SUGCT: variants seen among roughly 807,000 people sequenced by gnomAD.
SUGCT encodes succinyl-CoA:glutarate-CoA transferase, also known as succinyl-CoA:glutarate CoA-transferase.
SUGCT carries 41 observed loss-of-function variants against 55.0 expected under a neutral mutation model. The observed-to-expected ratio is 0.74, with a 90% CI of 0.58 to 0.97. The LOEUF is 0.97. SUGCT is among the 50% of genes least tolerant of loss of function. The pLI is 0.00. For missense variants in SUGCT, 568 were observed against 547.8 expected, an observed-to-expected ratio of 1.04 and a Z score of -0.37; for synonymous variants, 187 against 200.4, an observed-to-expected ratio of 0.93 and a Z score of 0.56.
At chr7:40,358,394 T>A (rs1325088165) in intron 9 of SUGCT, among the ~76,000 whole-genome samples, 1 of 152,124 alleles carries the variant, frequency 6.6e-6, no homozygotes. Flanking sequence ...TCTATGAGGC[T>A]CTTTATAACT....
chr7:40,661,840 G>A (rs1194753414), intron 12 of SUGCT, among the ~76,000 whole-genome samples: 3 of 152,082 alleles, frequency 2.0e-5, no homozygotes, highest in Non-Finnish European at 4.4e-5. Context: ...TCTCTACCAT[G>A]TTTTACATGT....
At chr7:40,720,005 C>T (rs752209316) in intron 12 of SUGCT, among the ~76,000 whole-genome samples, 27 of 152,056 alleles carry the variant, frequency 1.8e-4, no homozygotes, top group South Asian at 4.2e-4. Context: ...AGGCTGGTCT[C>T]GATCTCCTAA....
chr7:40,749,614 A>G (rs1030191383), intron 13 of SUGCT, 117 bp downstream of exon 13: 6 of 792,948 alleles, frequency 7.6e-6, no homozygotes, highest in African/African-American at 6.9e-5. Flanking sequence ...ATCCAAATTT[A>G]TAACATTGGG....
chr7:40,697,358 G>C (rs1784976941), intron 12 of SUGCT, among the ~76,000 whole-genome samples: 2 of 152,168 alleles, frequency 1.3e-5, no homozygotes, highest in Admixed American at 6.5e-5. Flanking sequence ...GGCTGGGCCA[G>C]GTGCAGTGGC....
intron 8 of SUGCT, among the ~76,000 whole-genome samples, chr7:40,316,527 G>A (rs1020369524): frequency 1.3e-5 from 2 of 152,126 alleles, no homozygotes; most frequent in African/African-American, 2.4e-5. Context: ...GGGGTTGAAC[G>A]TTTATGTATT....
chr7:40,307,736 C>T (rs1399160791), intron 8 of SUGCT, among the ~76,000 whole-genome samples: 3 of 152,172 alleles, frequency 2.0e-5, no homozygotes, highest in Admixed American at 6.5e-5. Context: ...TACTGATTCT[C>T]CTTTTAACAT....
intron 12 of SUGCT, among the ~76,000 whole-genome samples, chr7:40,569,641 G>GA (rs1796334418): frequency 6.6e-6 from 1 of 151,952 alleles, no homozygotes; most frequent in Non-Finnish European, 1.5e-5. Flanking sequence ...AGATCATTGA[G>GA]AAAATACAAA....
intron 9 of SUGCT, among the ~76,000 whole-genome samples, chr7:40,429,063 G>GAATAA (rs1212180716): frequency 6.6e-6 from 1 of 151,798 alleles, no homozygotes; most frequent in Non-Finnish European, 1.5e-5. Flanking sequence ...TACATATAGA[G>GAATAA]AATAAAATGG....
chr7:40,427,509 A>T (rs1787649544), intron 9 of SUGCT, among the ~76,000 whole-genome samples: 1 of 152,182 alleles, frequency 6.6e-6, no homozygotes, highest in African/African-American at 2.4e-5. Flanking sequence ...ATTGTTAAAT[A>T]GTTGTCTTTA....
chr7:40,435,230 G>T (rs1326628316), intron 9 of SUGCT, among the ~76,000 whole-genome samples: 1 of 152,106 alleles, frequency 6.6e-6, no homozygotes, highest in Non-Finnish European at 1.5e-5. Flanking sequence ...AAGGACTGAG[G>T]TCCTCATTGT....
At chr7:40,658,921 C>T (rs1010263744) in intron 12 of SUGCT, among the ~76,000 whole-genome samples, 13 of 152,088 alleles carry the variant, frequency 8.5e-5, no homozygotes, top group Non-Finnish European at 1.3e-4. Flanking sequence ...TTTGAGGGCC[C>T]GGGGAAACTG....
intron 6 of SUGCT, among the ~76,000 whole-genome samples, chr7:40,200,005 T>C (rs1786502902): frequency 6.6e-6 from 1 of 152,134 alleles, no homozygotes; most frequent in East Asian, 1.9e-4. Context: ...AGGTAGGATA[T>C]GGGACAGGGA....
At chr7:40,980,325 G>T in the SUGCT span, among the ~76,000 whole-genome samples, 1 of 152,064 alleles carries the variant, frequency 6.6e-6, no homozygotes, top group Non-Finnish European at 1.5e-5. Context: ...TAAATATTGG[G>T]GGGGACACAA....
intron 12 of SUGCT, among the ~76,000 whole-genome samples, chr7:40,744,850 A>ACCTAAGT (rs1230567780): frequency 6.6e-6 from 1 of 152,184 alleles, no homozygotes; most frequent in East Asian, 1.9e-4. Context: ...AACCTCCCTG[A>ACCTAAGT]CCTAAGTCAT....
chr7:40,849,166 A>T (rs1185304221), intron 13 of SUGCT, among the ~76,000 whole-genome samples: 1 of 152,226 alleles, frequency 6.6e-6, no homozygotes, highest in Non-Finnish European at 1.5e-5. Flanking sequence ...TTCATATATT[A>T]TAAAACAGAT....
chr7:40,229,278 G>T (rs148040489), intron 6 of SUGCT, among the ~76,000 whole-genome samples: 3,277 of 152,300 alleles, frequency 0.022, 102 homozygotes, highest in African/African-American at 0.074. Context: ...CAGCAGTTTG[G>T]GAGGCCAAGG....
At chr7:40,137,587 C>A (rs73377831) in intron 1 of SUGCT, among the ~76,000 whole-genome samples, 6,600 of 152,262 alleles carry the variant, frequency 0.043, 485 homozygotes, top group African/African-American at 0.15. Flanking sequence ...TTTTAAGCTT[C>A]TAGTAGTACA....
In SUGCT at chr7:40,275,813, G is replaced by A. The variant is rs1244527828; in HGVS notation, c.720+1157G>A. Among the ~76,000 whole-genome samples the A allele has an allele frequency of 4.6e-5, 7 of 152,138 alleles. No individual in the cohort carries two copies. The East Asian group carries it at 1.2e-3, about 25-fold the overall frequency. On this transcript the variant is annotated intron_variant, in intron 8 of 13. Transcript: ENST00000335693. ...AATACTAAACTGGGGGAATAAAAGGGTTAACTCACTGTCAAAATGACATTT... is the reference window on the plus strand; with the variant it reads ...AATACTAAACTGGGGGAATAAAAGGATTAACTCACTGTCAAAATGACATTT...
chr7:40,372,484 C>T (rs1398144148), intron 9 of SUGCT, among the ~76,000 whole-genome samples: 1 of 151,788 alleles, frequency 6.6e-6, no homozygotes, highest in Admixed American at 6.6e-5. Context: ...ACACTTTTTT[C>T]TTTTGAGCTG....
Sources: allele counts gnomAD v4.1 joint callset (sites outside exome capture counted in the v4.1 genomes callset), GRCh38; gene constraint gnomAD v4.1.1; transcripts MANE v1.5; gene names NCBI Gene and HGNC (gene_info 2026-07-23, HGNC 2026-07-21).